PPP2R2B: variants seen among roughly 807,000 people sequenced by gnomAD.
PPP2R2B encodes the protein serine/threonine-protein phosphatase 2A 55 kDa regulatory subunit B beta isoform.
A neutral mutation model predicts 46.0 loss-of-function variants in PPP2R2B; 5 were observed. The ratio of observed to expected loss-of-function variants is 0.11; its 90% CI spans 0.06 to 0.23. The LOEUF is 0.23. Among genes scored for constraint, PPP2R2B ranks in the 10% least tolerant of loss-of-function variants. PPP2R2B has a pLI of 1.00. For missense variants in PPP2R2B, 367 were observed against 575.0 expected, an observed-to-expected ratio of 0.64 and a Z score of 3.70; for synonymous variants, 215 against 206.7, an observed-to-expected ratio of 1.04 and a Z score of -0.34.
intron 1 of PPP2R2B, among the ~76,000 whole-genome samples, chr5:146,927,852 T>A (rs184290732): frequency 6.6e-6 from 1 of 151,834 alleles, no homozygotes; most frequent in East Asian, 1.9e-4. Context: ...TCCTGCCTAC[T>A]CTCTCCTGTT....
At chr5:146,667,439 A>G (rs1468897555) in intron 5 of PPP2R2B, among the ~76,000 whole-genome samples, 1 of 152,048 alleles carries the variant, frequency 6.6e-6, no homozygotes, top group East Asian at 1.9e-4. Context: ...AGAAGCAGAA[A>G]TAAGACTCTA....
intron 1 of PPP2R2B, among the ~76,000 whole-genome samples, chr5:147,018,263 C>T (rs1685732848): frequency 1.3e-5 from 2 of 152,034 alleles, no homozygotes; most frequent in Admixed American, 1.3e-4. Flanking sequence ...GTAGAAATTG[C>T]AGAAGCACAG....
At chr5:146,840,003 G>T (rs1228899128) in intron 2 of PPP2R2B, among the ~76,000 whole-genome samples, 1 of 152,218 alleles carries the variant, frequency 6.6e-6, no homozygotes, top group Admixed American at 6.5e-5. Flanking sequence ...TACAAACAGA[G>T]GAAAATGATG....
In PPP2R2B at chr5:146,634,694, C is replaced by T. The variant is rs117304004; in HGVS notation, c.790+3557G>A. ...CTCTCCTGGGTCTTCAGCTTGCTGG[C>T]TGCAGAGCTTGGGACTTGTCAGCCT... On this transcript the variant is annotated intron_variant, in intron 7 of 9. Transcript: ENST00000394411. Among the ~76,000 whole-genome samples, 478 of 152,122 alleles carry T rather than the reference C, an allele frequency of 3.1e-3. 27 individuals are homozygous for T. The East Asian group carries it at 0.079, about 25-fold the overall frequency.
intron 2 of PPP2R2B, chr5:146,856,693 T>A (rs1167158829): frequency 1.3e-6 from 1 of 742,862 alleles, no homozygotes; most frequent in East Asian, 2.7e-5. Context: ...TACCATCTCT[T>A]TGGGAGAGTT....
chr5:146,882,967 C>A (rs535467438), upstream of PPP2R2B, among the ~76,000 whole-genome samples: 1 of 152,194 alleles, frequency 6.6e-6, no homozygotes, highest in Non-Finnish European at 1.5e-5. Context: ...GTCCCCTCCC[C>A]CAACACTCAC....
At chr5:146,617,347 A>T (rs1417613516) in intron 7 of PPP2R2B, among the ~76,000 whole-genome samples, 1 of 152,242 alleles carries the variant, frequency 6.6e-6, no homozygotes, top group Non-Finnish European at 1.5e-5. Context: ...GCACATTTAA[A>T]AATAAAGGAG....
chr5:146,908,757 C>A, intron 1 of PPP2R2B, among the ~76,000 whole-genome samples: 1 of 151,928 alleles, frequency 6.6e-6, no homozygotes. Context: ...AAAACTCATG[C>A]CTTCTTTCTT....
At chr5:146,797,039 C>T (rs1756582239) in intron 2 of PPP2R2B, among the ~76,000 whole-genome samples, 1 of 152,146 alleles carries the variant, frequency 6.6e-6, no homozygotes, top group Non-Finnish European at 1.5e-5. Flanking sequence ...GGAGTTGACC[C>T]TTTGTTAGCT....
At chr5:146,877,244 C>A (rs910778161) in intron 2 of PPP2R2B, among the ~76,000 whole-genome samples, 6 of 152,150 alleles carry the variant, frequency 3.9e-5, no homozygotes, top group Admixed American at 2.6e-4. Context: ...TCAGAACAAG[C>A]TGGGAGAGAG....
intron 2 of PPP2R2B, among the ~76,000 whole-genome samples, chr5:146,702,268 T>C (rs1324475417): frequency 6.6e-6 from 1 of 152,156 alleles, no homozygotes; most frequent in Non-Finnish European, 1.5e-5. Flanking sequence ...AGGTAAGTAG[T>C]GTAAAATTCT....
chr5:146,813,271 C>T (rs368725040), intron 2 of PPP2R2B, among the ~76,000 whole-genome samples: 1 of 151,896 alleles, frequency 6.6e-6, no homozygotes, highest in African/African-American at 2.4e-5. Flanking sequence ...AACACACATA[C>T]CTCACATACC....
At chr5:146,911,930 T>A (rs1376782101) in intron 1 of PPP2R2B, among the ~76,000 whole-genome samples, 1 of 152,064 alleles carries the variant, frequency 6.6e-6, no homozygotes, top group African/African-American at 2.4e-5. Context: ...TAAGAAAGTG[T>A]AGAGTGTATA....
At chr5:146,722,809 G>A (rs907137577) in intron 2 of PPP2R2B, among the ~76,000 whole-genome samples, 1 of 152,210 alleles carries the variant, frequency 6.6e-6, no homozygotes, top group Non-Finnish European at 1.5e-5. Flanking sequence ...AAGAAACCCA[G>A]TTTGACATGG....
chr5:146,955,774 CTTTTTTT>C (rs5872000), intron 1 of PPP2R2B, among the ~76,000 whole-genome samples: 1 of 115,658 alleles, frequency 8.6e-6, no homozygotes, highest in Non-Finnish European at 1.7e-5. Flanking sequence ...CTTTCTATTA[CTTTTTTT>C]TTTTTTTTTT....
At chr5:147,009,864 T>TACACACAC (rs201299020) in intron 1 of PPP2R2B, among the ~76,000 whole-genome samples, 47 of 136,664 alleles carry the variant, frequency 3.4e-4, no homozygotes, top group Admixed American at 1.3e-3. Flanking sequence ...CACACACACA[T>TACACACAC]ACACACACAC....
At chr5:147,040,073 C>G (rs1040931992) in intron 1 of PPP2R2B, among the ~76,000 whole-genome samples, 1 of 152,104 alleles carries the variant, frequency 6.6e-6, no homozygotes, top group Admixed American at 6.5e-5. Context: ...TTATAAAAAG[C>G]TAAAATTCAT....
chr5:147,055,189 A>G lies in PPP2R2B; in HGVS notation c.79+476T>C, dbSNP rs1757020417. Among the ~76,000 whole-genome samples, 3 of 152,188 alleles carry G rather than the reference A, an allele frequency of 2.0e-5. No individual in the cohort carries two copies. The South Asian group carries it at 6.2e-4, about 31-fold the overall frequency. On this transcript the variant is annotated intron_variant, in intron 1 of 8. Coordinates refer to the PPP2R2B transcript ENST00000336640. The stretch of plus-strand genomic sequence containing the variant: ...TAACCCAAGTACAGACTCCAAGTGA[A>G]CCAATCCAACAATCAACACTCCACA...
intron 7 of PPP2R2B, among the ~76,000 whole-genome samples, chr5:146,634,522 A>T (rs539169656): frequency 4.2e-4 from 64 of 151,916 alleles, no homozygotes; most frequent in African/African-American, 1.4e-3. Context: ...TTTAGTAGAG[A>T]CGGGGTTTCA....
Sources: allele counts gnomAD v4.1 joint callset (sites outside exome capture counted in the v4.1 genomes callset), GRCh38; gene constraint gnomAD v4.1.1; transcripts MANE v1.5; gene names NCBI Gene and HGNC (gene_info 2026-07-23, HGNC 2026-07-21).